ADAMTS20: variants seen among roughly 807,000 people sequenced by gnomAD.
The protein encoded by ADAMTS20 is A disintegrin and metalloproteinase with thrombospondin motifs 20.
ADAMTS20 carries 225 observed loss-of-function variants against 260.1 expected under a neutral mutation model. The ratio of observed to expected loss-of-function variants is 0.87; its 90% CI spans 0.78 to 0.97. The LOEUF is 0.97. ADAMTS20 is among the 50% of genes least tolerant of loss of function. The probability of loss-of-function intolerance (pLI) is 0.00; values close to 1 mark genes in which losing one functional copy is unlikely to be tolerated. For missense variants in ADAMTS20, 2,400 were observed against 2,337.7 expected, an observed-to-expected ratio of 1.03 and a Z score of -0.55; for synonymous variants, 802 against 769.5, an observed-to-expected ratio of 1.04 and a Z score of -0.70.
At chr12:43,532,321 C>T in intron 2 of ADAMTS20, 126 bp from the exon 3 acceptor site, 1 of 790,278 alleles carries the variant, frequency 1.3e-6, no homozygotes, top group Non-Finnish European at 1.9e-6. Flanking sequence ...TAAGAGCCAT[C>T]AACTGAGCAT....
At chr12:43,415,597 TA>T (rs946597481) in intron 28 of ADAMTS20, among the ~76,000 whole-genome samples, 9 of 152,116 alleles carry the variant, frequency 5.9e-5, no homozygotes, top group Admixed American at 5.9e-4. Flanking sequence ...ATTTTATCCT[TA>T]AAAAATACCC....
intron 10 of ADAMTS20, among the ~76,000 whole-genome samples, chr12:43,463,411 T>C (rs1942100036): frequency 6.6e-6 from 1 of 152,210 alleles, no homozygotes; most frequent in Non-Finnish European, 1.5e-5. Context: ...ATGTATAATG[T>C]ATACTGAAGT....
At chr12:43,374,186 T>C (rs1000961965) in intron 36 of ADAMTS20, among the ~76,000 whole-genome samples, 2 of 152,188 alleles carry the variant, frequency 1.3e-5, no homozygotes, top group Admixed American at 6.5e-5. Context: ...AGTAATATAA[T>C]GCTTCCACAC....
In ADAMTS20 at chr12:43,439,781, T is replaced by A. The variant is rs760610728; in HGVS notation, c.2464-30A>T. The A allele has an allele frequency of 8.9e-6, 14 of 1,581,916 alleles. No homozygotes were observed. The African/African-American group carries it at 1.4e-4, about 15-fold the overall frequency. On this transcript the variant is annotated intron_variant, in intron 17 of 38. Transcript: ENST00000389420. ...ATAAGAATATAAAAGAACATACAAT[T>A]AATACATAAAAATATATTCTTGACA... is the stretch of plus-strand genomic sequence containing the variant.
intron 28 of ADAMTS20, among the ~76,000 whole-genome samples, chr12:43,408,397 G>A (rs1360232184): frequency 6.6e-6 from 1 of 152,086 alleles, no homozygotes; most frequent in Non-Finnish European, 1.5e-5. Context: ...GCATTACTAT[G>A]GTAACATTTA....
At chr12:43,419,737 CAA>C (rs1941194040) in intron 28 of ADAMTS20, among the ~76,000 whole-genome samples, 1 of 151,916 alleles carries the variant, frequency 6.6e-6, no homozygotes, top group Non-Finnish European at 1.5e-5. Context: ...CACACACACA[CAA>C]ACACACACAC....
intron 3 of ADAMTS20, among the ~76,000 whole-genome samples, chr12:43,519,614 A>G (rs75272356): frequency 2.0e-5 from 3 of 152,072 alleles, no homozygotes; most frequent in Admixed American, 6.6e-5. Context: ...GGAGCATGAA[A>G]AACTTGTATG....
chr12:43,365,936 C>T (rs1277019069), intron 37 of ADAMTS20, among the ~76,000 whole-genome samples: 1 of 151,656 alleles, frequency 6.6e-6, no homozygotes, highest in Admixed American at 6.6e-5. Context: ...CACCAGAAAA[C>T]ATTCACTGAA....
intron 37 of ADAMTS20, among the ~76,000 whole-genome samples, chr12:43,363,779 A>C (rs1939925188): frequency 6.6e-6 from 1 of 152,190 alleles, no homozygotes; most frequent in Non-Finnish European, 1.5e-5. Flanking sequence ...TTGAAGTTTA[A>C]CAGAGAGAAT....
chr12:43,486,334 ACCCT>A (rs1214869930), intron 7 of ADAMTS20, among the ~76,000 whole-genome samples: 2 of 152,130 alleles, frequency 1.3e-5, no homozygotes, highest in Non-Finnish European at 2.9e-5. Context: ...GGGAAAGAAT[ACCCT>A]ATTTAATAAA....
At chr12:43,488,183 T>A (rs1418431693) in intron 7 of ADAMTS20, among the ~76,000 whole-genome samples, 1 of 152,016 alleles carries the variant, frequency 6.6e-6, no homozygotes, top group South Asian at 2.1e-4. Flanking sequence ...TAAAAAGTAA[T>A]GTTTAGATGA....
At position 43,452,644 on chromosome 12, in the gene ADAMTS20, T is replaced by C; in HGVS notation, c.1812A>G (p.Ser604=). Residue 604 remains serine (S), a synonymous_variant, in exon 13 of 39, where the codon TCA becomes TCG. Coordinates refer to ENST00000389420, the MANE Select transcript of ADAMTS20 (RefSeq NM_025003.5). ...CTTTTGGACATGAATCAGTATTACA[T>C]GATCGAAATTTCATCCTGCGGCCCA... ...YCVGRRMKFR[S]CNTDSCPKGT... 6.2e-7 allele frequency: 1 copy of C among 1,612,436 alleles called. No individual in the cohort carries two copies. Among genetic ancestry groups the C allele is most frequent in the Non-Finnish European group, 8.5e-7 (1 of 1,179,162 alleles).
At chr12:43,486,835 C>T in intron 7 of ADAMTS20, among the ~76,000 whole-genome samples, 1 of 152,132 alleles carries the variant, frequency 6.6e-6, no homozygotes, top group East Asian at 1.9e-4. Flanking sequence ...CTCATCATTA[C>T]TAATCATCAG....
At chr12:43,530,027 C>T (rs1943198873) in intron 3 of ADAMTS20, among the ~76,000 whole-genome samples, 1 of 151,904 alleles carries the variant, frequency 6.6e-6, no homozygotes, top group African/African-American at 2.4e-5. Flanking sequence ...CAATTTAAGA[C>T]TTGAAAAGGA....
intron 7 of ADAMTS20, among the ~76,000 whole-genome samples, chr12:43,484,168 A>T (rs1362461829): frequency 6.6e-6 from 1 of 152,166 alleles, no homozygotes; most frequent in Non-Finnish European, 1.5e-5. Context: ...TGAAATTCTT[A>T]AAAAAACCCA....
At position 43,469,710 on chromosome 12, in the gene ADAMTS20, T is replaced by G. The variant is rs116525291; in HGVS notation, c.1118-1005A>C. ...TTAATATAGAATAAACAGACTTCATTAGCTCCTAGTTTAGCTCTTCCCTGC... is the reference window on the plus strand; with the variant it reads ...TTAATATAGAATAAACAGACTTCATGAGCTCCTAGTTTAGCTCTTCCCTGC... On this transcript the variant is annotated intron_variant, in intron 7 of 38. Transcript: ENST00000389420. Among the ~76,000 whole-genome samples, 392 of 152,320 alleles carry G rather than the reference T, an allele frequency of 2.6e-3. 1 individual carries two copies. Among genetic ancestry groups the G allele is most frequent in the African/African-American group, 8.8e-3 (367 of 41,588 alleles).
intron 2 of ADAMTS20, among the ~76,000 whole-genome samples, chr12:43,538,847 G>C (rs1051609865): frequency 6.6e-6 from 1 of 151,992 alleles, no homozygotes; most frequent in Admixed American, 6.5e-5. Flanking sequence ...GCACTCTGTA[G>C]ACAGCTGCAG....
intron 11 of ADAMTS20, among the ~76,000 whole-genome samples, chr12:43,457,719 T>A (rs745398402): frequency 6.6e-6 from 1 of 152,208 alleles, no homozygotes; most frequent in African/African-American, 2.4e-5. Flanking sequence ...AAAATTGACC[T>A]TTCATTATCT....
chr12:43,448,416 G>C (rs934800827), intron 14 of ADAMTS20, among the ~76,000 whole-genome samples: 9 of 152,170 alleles, frequency 5.9e-5, no homozygotes, highest in African/African-American at 2.2e-4. Flanking sequence ...AATAAATGGT[G>C]CTGGGATAAA....
Sources: allele counts gnomAD v4.1 joint callset (sites outside exome capture counted in the v4.1 genomes callset), GRCh38; gene constraint gnomAD v4.1.1; transcripts MANE v1.5; gene names NCBI Gene and HGNC (gene_info 2026-07-23, HGNC 2026-07-21).